Variants in KCNH1 observed in about 807,000 individuals in gnomAD.
KCNH1 encodes the protein potassium voltage-gated channel subfamily H member 1.
KCNH1 carries 27 observed loss-of-function variants against 69.2 expected under a neutral mutation model. The ratio of observed to expected loss-of-function variants is 0.39; its 90% CI spans 0.29 to 0.54. The LOEUF (loss-of-function observed/expected upper bound fraction) is 0.54, where lower values mean the gene tolerates loss of function less well. KCNH1 is among the 20% of genes least tolerant of loss of function. The probability of loss-of-function intolerance (pLI) is 0.68; values close to 1 mark genes in which losing one functional copy is unlikely to be tolerated. For synonymous variants in KCNH1, 456 were observed against 487.7 expected, an observed-to-expected ratio of 0.93 and a Z score of 0.86; for missense variants, 798 against 1,261.6, an observed-to-expected ratio of 0.63 and a Z score of 5.57.
At chr1:210,777,766 C>A (rs1683891074) in intron 9 of KCNH1, among the ~76,000 whole-genome samples, 1 of 152,204 alleles carries the variant, frequency 6.6e-6, no homozygotes, top group Non-Finnish European at 1.5e-5. Flanking sequence ...AAATAGGCCC[C>A]ATCCATTCTT....
intron 9 of KCNH1, among the ~76,000 whole-genome samples, chr1:210,785,397 G>GTT (rs34506008): frequency 1.5e-3 from 218 of 141,428 alleles, no homozygotes; most frequent in African/African-American, 3.7e-3. Context: ...CTCTTACTCT[G>GTT]TTTTTTTTTT....
intron 7 of KCNH1, among the ~76,000 whole-genome samples, chr1:210,828,428 C>T (rs1053260204): frequency 2.0e-5 from 3 of 152,170 alleles, no homozygotes; most frequent in East Asian, 1.9e-4. Flanking sequence ...GACTCCTGAA[C>T]GTTCCCATAG....
chr1:211,016,044 A>T (rs1689484710), intron 6 of KCNH1, among the ~76,000 whole-genome samples: 1 of 152,230 alleles, frequency 6.6e-6, no homozygotes, highest in Non-Finnish European at 1.5e-5. Flanking sequence ...GCTACAGATA[A>T]CTAACATTTT....
intron 10 of KCNH1, among the ~76,000 whole-genome samples, chr1:210,753,947 CTCCTTTG>C (rs1683337803): frequency 6.7e-6 from 1 of 149,802 alleles, no homozygotes; most frequent in South Asian, 2.1e-4. Context: ...TGGAGTCTCG[CTCCTTTG>C]CCCAGGCTGG....
chr1:210,862,204 T>G, intron 7 of KCNH1: 1 of 1,228,436 alleles, frequency 8.1e-7, no homozygotes, highest in Non-Finnish European at 1.2e-6. Context: ...GTGTGCTTCA[T>G]TGAGCTGGCG....
rs576254889 is a variant in KCNH1 at position 211,109,749 on chromosome 1, G to A, written c.80-2372C>T. Among the ~76,000 whole-genome samples, 14 of 145,248 alleles carry A rather than the reference G, an allele frequency of 9.6e-5. No individual in the cohort carries two copies. In the South Asian group the frequency reaches 2.9e-3, roughly 30 times the overall value. Reference sequence around the variant, plus strand: ...AAAAATCCACAAAAATGAAAATTAGGTTAAAAAGAATGAACCAAAAAAAAA... The same window carrying A: ...AAAAATCCACAAAAATGAAAATTAGATTAAAAAGAATGAACCAAAAAAAAA... On this transcript the variant is annotated intron_variant, in intron 1 of 10. Transcript: ENST00000271751.
At chr1:210,809,660 T>G (rs372836325) in intron 7 of KCNH1, among the ~76,000 whole-genome samples, 99 of 152,292 alleles carry the variant, frequency 6.5e-4, no homozygotes, top group African/African-American at 2.0e-3. Context: ...CTCCATAGAC[T>G]AGCCAGAACC....
intron 7 of KCNH1, among the ~76,000 whole-genome samples, chr1:210,863,125 G>A (rs566049213): frequency 6.6e-6 from 1 of 152,194 alleles, no homozygotes; most frequent in Non-Finnish European, 1.5e-5. Flanking sequence ...TCCATGAAGA[G>A]CTTCCAAAAA....
Position 210,718,362 on chromosome 1 carries a change from T to G in KCNH1, c.2113-34224A>C, listed in dbSNP as rs573647312. On this transcript the variant is annotated intron_variant, in intron 10 of 10. Transcript: ENST00000271751. ...TGTATATATGTATATATACATATAT[T>G]TATATATAAATATATGCATATATTT... 1.7e-4 allele frequency among the ~76,000 whole-genome samples: 19 copies of G among 111,922 alleles called. No homozygotes were observed. The South Asian group carries it at 2.2e-3, about 13-fold the overall frequency. 73.4% of individuals were successfully genotyped at this position (111,922 alleles called of 152,430 possible).
intron 5 of KCNH1, among the ~76,000 whole-genome samples, chr1:211,060,072 CA>C (rs754185986): frequency 1.3e-5 from 2 of 151,786 alleles, no homozygotes; most frequent in African/African-American, 2.4e-5. Context: ...AAATCAATAA[CA>C]AGAGGAATTT....
Position 210,683,640 on chromosome 1 carries a change from C to T in KCNH1, c.2611G>A (p.Glu871Lys), listed in dbSNP as rs768767385. The T allele has an allele frequency of 1.2e-5, 19 of 1,614,228 alleles. No homozygotes were observed. Among genetic ancestry groups the T allele is most frequent in the East Asian group, 8.9e-5 (4 of 44,882 alleles). Residue 871 changes from glutamate (E) to lysine (K), a missense_variant, in exon 11 of 11, where the codon GAG becomes AAG. This residue lies in a region of KCNH1 where 331 missense variants were observed against 363.2 expected (regional missense o/e 0.91). Coordinates refer to ENST00000271751, the MANE Select transcript of KCNH1 (RefSeq NM_172362.3). The surrounding 1 kb of genome is among the most constrained non-coding windows in gnomAD (Gnocchi z 5.7). ...TLPERTKASG[E>K]ATLKKTDSCD... ...GAGTCTGTCTTCTTCAGTGTGGCCTCGCCTGACGCTTTTGTCCTCTCGGGA... is the reference window on the plus strand; with the variant it reads ...GAGTCTGTCTTCTTCAGTGTGGCCTTGCCTGACGCTTTTGTCCTCTCGGGA...
intron 6 of KCNH1, among the ~76,000 whole-genome samples, chr1:210,964,531 C>A (rs1488375607): frequency 6.6e-5 from 10 of 151,888 alleles, no homozygotes; most frequent in African/African-American, 2.4e-4. Flanking sequence ...GGACATATAC[C>A]CTCTCCCAAA....
At chr1:211,106,379 T>A (rs1040080820) in intron 2 of KCNH1, among the ~76,000 whole-genome samples, 2 of 152,184 alleles carry the variant, frequency 1.3e-5, no homozygotes, top group Non-Finnish European at 2.9e-5. Context: ...TGTAAAAATA[T>A]ACCAGCTTCA....
chr1:210,880,993 G>A (rs1686480951), intron 7 of KCNH1, among the ~76,000 whole-genome samples: 1 of 151,368 alleles, frequency 6.6e-6, no homozygotes, highest in South Asian at 2.1e-4. Flanking sequence ...ATACCATCAG[G>A]GAAATTCAAA....
intron 6 of KCNH1, among the ~76,000 whole-genome samples, chr1:210,972,366 A>G (rs1252297492): frequency 6.6e-6 from 1 of 151,838 alleles, no homozygotes; most frequent in Non-Finnish European, 1.5e-5. Flanking sequence ...ATTCTGTCCC[A>G]CTCCACTTTC....
intron 10 of KCNH1, among the ~76,000 whole-genome samples, chr1:210,734,089 T>A (rs1466121973): frequency 2.0e-5 from 3 of 152,184 alleles, no homozygotes; most frequent in Admixed American, 6.5e-5. Context: ...GGTTCTGAAA[T>A]CTTGCAATAC....
chr1:211,010,579 A>G (rs987777750), intron 6 of KCNH1, among the ~76,000 whole-genome samples: 2 of 152,024 alleles, frequency 1.3e-5, no homozygotes, highest in African/African-American at 4.8e-5. Context: ...TCTCCCAGAA[A>G]TGCTCTACTT....
At chr1:210,969,376 T>C (rs12406562) in intron 6 of KCNH1, among the ~76,000 whole-genome samples, 32,799 of 151,950 alleles carry the variant, frequency 0.22, 5,132 homozygotes, top group African/African-American at 0.42. Flanking sequence ...TAGAATAATA[T>C]ATATCTTGAA....
intron 6 of KCNH1, among the ~76,000 whole-genome samples, chr1:210,947,589 G>C (rs1460633700): frequency 2.0e-5 from 3 of 147,686 alleles, no homozygotes; most frequent in Non-Finnish European, 4.5e-5. Flanking sequence ...AAAAAAAAAA[G>C]CTCAATTCTT....
Sources: allele counts gnomAD v4.1 joint callset (sites outside exome capture counted in the v4.1 genomes callset), GRCh38; gene constraint gnomAD v4.1.1; regional missense constraint gnomAD v4.1.1; non-coding constraint Gnocchi (gnomAD v3.1); transcripts MANE v1.5; gene names NCBI Gene and HGNC (gene_info 2026-07-23, HGNC 2026-07-21).